RORA: variants seen among roughly 807,000 people sequenced by gnomAD.
RORA encodes RAR related orphan receptor A.
Under a neutral mutation model 69.5 loss-of-function variants are expected in RORA, and 7 were observed. That is an observed-to-expected ratio of 0.10 (90% CI 0.06 to 0.19). The LOEUF (loss-of-function observed/expected upper bound fraction) is 0.19, where lower values mean the gene tolerates loss of function less well. Among genes scored for constraint, RORA ranks in the 10% least tolerant of loss-of-function variants. The pLI is 1.00. For missense variants in RORA, 457 were observed against 663.0 expected (o/e 0.69, Z 3.41); for synonymous variants, 261 against 240.8 (o/e 1.08, Z -0.78).
In RORA at chr15:60,491,727, A is replaced by C. The variant is rs2065044265; in HGVS notation, c.*5728T>G. ...ATCTCACCTACACAAACAGACAGAC[A>C]GACCCAGAAGTGAAACCAATTGCAC... On this transcript the variant is annotated 3_prime_UTR_variant, in exon 11 of 11. Coordinates refer to ENST00000335670, the MANE Select transcript of RORA (RefSeq NM_134261.3). The C allele has an allele frequency of 6.6e-6, 1 of 151,972 alleles. No homozygotes were observed. The highest frequency in any genetic ancestry group is 2.1e-4 in the South Asian group (1 of 4,824). The allele number at this position is 151,972 out of a possible 1,614,324, so 9.4% of individuals were successfully genotyped here.
At chr15:60,878,727 G>A (rs1223008160) in intron 1 of RORA, among the ~76,000 whole-genome samples, 1 of 152,174 alleles carries the variant, frequency 6.6e-6, no homozygotes, top group Non-Finnish European at 1.5e-5. Context: ...GCTATTGGAA[G>A]CAATACTCCT....
At chr15:60,965,666 T>C (rs572001399) in intron 1 of RORA, among the ~76,000 whole-genome samples, 21 of 152,318 alleles carry the variant, frequency 1.4e-4, no homozygotes, top group African/African-American at 4.3e-4. Context: ...CTCTTTCACA[T>C]TGATGAAGCT....
chr15:60,512,538 C>T (rs542034821), intron 4 of RORA, among the ~76,000 whole-genome samples: 2 of 152,290 alleles, frequency 1.3e-5, no homozygotes, highest in African/African-American at 2.4e-5. Flanking sequence ...AATCCTCCAG[C>T]CTCATCCTCC....
intron 1 of RORA, among the ~76,000 whole-genome samples, chr15:60,813,328 T>A (rs1182552561): frequency 1.3e-5 from 2 of 152,312 alleles, no homozygotes; most frequent in East Asian, 3.9e-4. Flanking sequence ...CCCAGCTGCT[T>A]TCTCCAGGGA....
intron 1 of RORA, among the ~76,000 whole-genome samples, chr15:61,103,310 C>G (rs921234360): frequency 2.6e-5 from 4 of 152,212 alleles, no homozygotes; most frequent in African/African-American, 9.6e-5. Flanking sequence ...CATGGGTAAC[C>G]AGTCCCCAGA....
intron 1 of RORA, chr15:61,041,075 G>A (rs1014511914): frequency 1.2e-4 from 19 of 152,136 alleles, no homozygotes; most frequent in African/African-American, 4.1e-4. Flanking sequence ...GTCAGGAATG[G>A]GGAGATGGAA....
At chr15:61,069,634 G>T (rs2078312376) in intron 1 of RORA, among the ~76,000 whole-genome samples, 1 of 151,386 alleles carries the variant, frequency 6.6e-6, no homozygotes, top group Non-Finnish European at 1.5e-5. Flanking sequence ...TCATAACATT[G>T]ATTAATCCAC....
In RORA at chr15:60,813,244, C is replaced by A. The variant is rs543722710; in HGVS notation, c.167-134558G>T. On this transcript the variant is annotated intron_variant, in intron 1 of 10. Coordinates refer to ENST00000335670, the MANE Select transcript of RORA (RefSeq NM_134261.3). ...CTGGGAAATACCATATCCTCTCTGC[C>A]CAGGAAGAGCAGACAGGTTGGTGAG... is the stretch of plus-strand genomic sequence containing the variant. 2.0e-5 allele frequency among the ~76,000 whole-genome samples: 3 copies of A among 152,280 alleles called. No individual in the cohort carries two copies. In the East Asian group the frequency reaches 5.8e-4, roughly 29 times the overall value.
intron 1 of RORA, among the ~76,000 whole-genome samples, chr15:61,115,586 A>G (rs184171950): frequency 6.6e-6 from 1 of 152,230 alleles, no homozygotes; most frequent in Non-Finnish European, 1.5e-5. Context: ...TTTCCCTCAT[A>G]AGGTACCAGT....
intron 1 of RORA, among the ~76,000 whole-genome samples, chr15:60,994,766 G>A (rs1305468743): frequency 2.0e-5 from 3 of 152,320 alleles, no homozygotes; most frequent in South Asian, 4.1e-4. Flanking sequence ...CTCAACATAC[G>A]TCTTCTTTCA....
chr15:61,120,338 G>C (rs1378783528), intron 1 of RORA, among the ~76,000 whole-genome samples: 1 of 151,092 alleles, frequency 6.6e-6, no homozygotes, highest in Admixed American at 6.6e-5. Context: ...CAGAGCTGAA[G>C]ACCATTGTTC....
rs1296040311 is a variant in RORA, at chr15:60,842,213, A to G, written c.167-163527T>C. On this transcript the variant is annotated intron_variant, in intron 1 of 10. Transcript: ENST00000335670. ...ATACTGACAGAGCCTCCTTGCCAAC[A>G]TTCCTCCTTTCTCCCCAAACTGATG... Among the ~76,000 whole-genome samples the G allele has an allele frequency of 3.3e-5, 5 of 151,548 alleles. No homozygotes were observed. The East Asian group carries it at 9.7e-4, about 30-fold the overall frequency.
intron 2 of RORA, among the ~76,000 whole-genome samples, chr15:60,560,262 G>C (rs993806498): frequency 5.3e-5 from 8 of 151,920 alleles, no homozygotes; most frequent in Non-Finnish European, 1.0e-4. Flanking sequence ...TTTTTCTTTT[G>C]TTTTGTTTGT....
intron 1 of RORA, among the ~76,000 whole-genome samples, chr15:60,709,432 T>C (rs573393902): frequency 6.6e-6 from 1 of 152,290 alleles, no homozygotes; most frequent in African/African-American, 2.4e-5. Context: ...AAGCCCATTG[T>C]TTTCCTTTAG....
intron 1 of RORA, among the ~76,000 whole-genome samples, chr15:61,060,419 C>T (rs2078166854): frequency 6.6e-6 from 1 of 152,168 alleles, no homozygotes; most frequent in Admixed American, 6.5e-5. Flanking sequence ...GCTGTCATGA[C>T]AGCACCCCCT....
At chr15:61,065,738 G>T (rs2140563240) in intron 1 of RORA, among the ~76,000 whole-genome samples, 1 of 152,252 alleles carries the variant, frequency 6.6e-6, no homozygotes, top group Middle Eastern at 3.4e-3. Flanking sequence ...GTAAAAGTTT[G>T]ACTGCAACAC....
At chr15:61,002,411 T>C (rs1029114159) in intron 1 of RORA, among the ~76,000 whole-genome samples, 1 of 152,246 alleles carries the variant, frequency 6.6e-6, no homozygotes, top group Non-Finnish European at 1.5e-5. Context: ...GCAAGTTTTA[T>C]TTTGTTTAAT....
chr15:60,517,411 C>G (rs1456510122), intron 3 of RORA, among the ~76,000 whole-genome samples: 1 of 151,118 alleles, frequency 6.6e-6, no homozygotes, highest in Non-Finnish European at 1.5e-5. Context: ...GATCAAGTCC[C>G]GCCTCTTCTG....
chr15:61,211,284 CAAAA>C (rs58967697), intron 1 of RORA, among the ~76,000 whole-genome samples: 1 of 93,246 alleles, frequency 1.1e-5, no homozygotes, highest in Non-Finnish European at 2.2e-5. Context: ...AAAACAACAG[CAAAA>C]AAAAAAAAAA....
Sources: allele counts gnomAD v4.1 joint callset (sites outside exome capture counted in the v4.1 genomes callset), GRCh38; gene constraint gnomAD v4.1.1; transcripts MANE v1.5; gene names NCBI Gene and HGNC (gene_info 2026-07-23, HGNC 2026-07-21).